Variants in TTC6 observed in about 807,000 individuals in gnomAD.
The protein encoded by TTC6 is tetratricopeptide repeat domain 6, also known as tetratricopeptide repeat protein 6.
Under a neutral mutation model 210.4 loss-of-function variants are expected in TTC6, and 172 were observed. That is an observed-to-expected ratio of 0.82 (90% CI 0.72 to 0.93). The LOEUF (loss-of-function observed/expected upper bound fraction) is 0.93, where lower values mean the gene tolerates loss of function less well. Ranked by LOEUF, TTC6 falls within the 40% of genes least tolerant of loss-of-function variation. The probability of loss-of-function intolerance (pLI) is 0.00; values close to 1 mark genes in which losing one functional copy is unlikely to be tolerated. For missense variants in TTC6, 2,414 were observed against 2,318.1 expected (o/e 1.04, Z -0.85); for synonymous variants, 804 against 819.6 (o/e 0.98, Z 0.32).
At chr14:37,780,400 C>G (rs2096051085) in intron 14 of TTC6, among the ~76,000 whole-genome samples, 1 of 152,092 alleles carries the variant, frequency 6.6e-6, no homozygotes, top group Non-Finnish European at 1.5e-5. Flanking sequence ...CTATCCCTCC[C>G]CTCACCCCTC....
At chr14:37,749,995 G>A (rs974815545) in intron 12 of TTC6, among the ~76,000 whole-genome samples, 152 bp downstream of exon 14, 1 of 152,000 alleles carries the variant, frequency 6.6e-6, no homozygotes, top group East Asian at 1.9e-4. Flanking sequence ...TTGTAAATCC[G>A]GGGCTCGTAC....
At chr14:37,840,760 T>C (rs2096208132) in intron 29 of TTC6, among the ~76,000 whole-genome samples, 1 of 152,212 alleles carries the variant, frequency 6.6e-6, no homozygotes, top group Non-Finnish European at 1.5e-5. Flanking sequence ...GTGTTACTTT[T>C]CTAATTTGTA....
chr14:37,710,775 A>C (rs891271467), intron 5 of TTC6, among the ~76,000 whole-genome samples: 1 of 152,158 alleles, frequency 6.6e-6, no homozygotes, highest in Non-Finnish European at 1.5e-5. Flanking sequence ...GTCTTCCTTG[A>C]GGATAAGAGT....
intron 2 of TTC6, among the ~76,000 whole-genome samples, chr14:37,611,604 T>C (rs1308482892): frequency 5.3e-5 from 8 of 151,256 alleles, no homozygotes; most frequent in Admixed American, 5.3e-4. Flanking sequence ...GAGAACCTGG[T>C]GGAAGGGAGA....
chr14:37,600,287 G>A (rs930487687), intron 1 of TTC6, among the ~76,000 whole-genome samples: 2 of 152,142 alleles, frequency 1.3e-5, no homozygotes, highest in African/African-American at 4.8e-5. Flanking sequence ...ACCTGGGCGA[G>A]GGTAGGTCAG....
exon 10 of TTC6, chr14:37,738,967 T>C: frequency 6.5e-7 from 1 of 1,535,440 alleles, no homozygotes; most frequent in Non-Finnish European, 8.7e-7. Context: ...ATGACATCTT[T>C]GATAACATGT....
intron 14 of TTC6, among the ~76,000 whole-genome samples, chr14:37,768,733 C>T (rs1477796651): frequency 6.6e-6 from 1 of 152,130 alleles, no homozygotes; most frequent in African/African-American, 2.4e-5. Context: ...GATATACAAT[C>T]ATGTCGTCTG....
intron 1 of TTC6, among the ~76,000 whole-genome samples, chr14:37,649,917 A>G (rs1216539179): frequency 6.6e-6 from 1 of 152,228 alleles, no homozygotes; most frequent in Admixed American, 6.5e-5. Context: ...TAGGTCCTAC[A>G]ACCCCATATA....
intron 1 of TTC6, among the ~76,000 whole-genome samples, chr14:37,664,623 A>G (rs1566873361): frequency 6.6e-6 from 1 of 150,776 alleles, no homozygotes; most frequent in South Asian, 2.1e-4. Context: ...GCCAAAAGCA[A>G]TTGCAACAAA....
chr14:37,617,558 GA>G (rs1478572373), upstream of TTC6, among the ~76,000 whole-genome samples: 31 of 151,948 alleles, frequency 2.0e-4, no homozygotes, highest in South Asian at 1.2e-3. Context: ...AGAAAGTGCA[GA>G]AAAATAGAAA....
chr14:37,627,617 TGCAAA>T (rs2095662530), intron 1 of TTC6, among the ~76,000 whole-genome samples: 1 of 152,214 alleles, frequency 6.6e-6, no homozygotes, highest in African/African-American at 2.4e-5. Context: ...TCCATGTCCC[TGCAAA>T]GGACATGAAC....
intron 1 of TTC6, among the ~76,000 whole-genome samples, chr14:37,599,297 A>G (rs1196718250): frequency 2.0e-5 from 3 of 152,054 alleles, no homozygotes; most frequent in Non-Finnish European, 4.4e-5. Context: ...TTAAATCTTT[A>G]AGGGATTAAT....
chr14:37,680,062 C>A (rs1297388590), intron 1 of TTC6, 89 bp from the exon 4 acceptor site: 2 of 705,554 alleles, frequency 2.8e-6, no homozygotes, highest in African/African-American at 1.8e-5. Context: ...TCATTTACTA[C>A]ACAAATTGAC....
chr14:37,827,496 G>A (rs967056134), intron 29 of TTC6, 130 bp downstream of exon 31: 3 of 821,978 alleles, frequency 3.6e-6, no homozygotes, highest in Non-Finnish European at 3.7e-6. Context: ...TATTTAAAAT[G>A]TTATCTTTCA....
intron 14 of TTC6, among the ~76,000 whole-genome samples, chr14:37,777,299 T>C (rs1264516602): frequency 6.6e-6 from 1 of 152,178 alleles, no homozygotes; most frequent in African/African-American, 2.4e-5. Flanking sequence ...TTGTTCTTCT[T>C]TATTGTTTTT....
intron 29 of TTC6, among the ~76,000 whole-genome samples, chr14:37,831,292 T>C (rs1005931995): frequency 1.3e-5 from 2 of 152,192 alleles, no homozygotes; most frequent in Non-Finnish European, 2.9e-5. Flanking sequence ...TTCCATTGCA[T>C]ATATGCAACA....
At chr14:37,727,702 A>G (rs1371035630) in intron 7 of TTC6, among the ~76,000 whole-genome samples, 1 of 151,544 alleles carries the variant, frequency 6.6e-6, no homozygotes, top group Non-Finnish European at 1.5e-5. Context: ...CTTATTTCAA[A>G]CCTTTTCATT....
intron 6 of TTC6, among the ~76,000 whole-genome samples, chr14:37,722,669 G>A (rs1448414238): frequency 6.6e-6 from 1 of 152,146 alleles, no homozygotes; most frequent in Non-Finnish European, 1.5e-5. Context: ...ATTCGATTAT[G>A]TGATTTTTGG....
chr14:37,623,136 G>T (rs569013706), intron 1 of TTC6, 133 bp downstream of exon 3: 5 of 616,378 alleles, frequency 8.1e-6, no homozygotes, highest in Non-Finnish European at 1.3e-5. Flanking sequence ...AAACACTGGG[G>T]TGTTATTCAA....
Sources: gnomAD v4.1 joint callset for allele counts (sites outside exome capture counted in the v4.1 genomes callset) on GRCh38, gnomAD v4.1.1 for gene constraint, MANE v1.5 for transcripts, NCBI Gene and HGNC (gene_info 2026-07-23, HGNC 2026-07-21) for gene names.